Variants in CSMD2 observed in about 807,000 individuals in gnomAD.
The protein encoded by CSMD2 is CUB and sushi domain-containing protein 2.
CSMD2 carries 130 observed loss-of-function variants against 398.5 expected under a neutral mutation model. The ratio of observed to expected loss-of-function variants is 0.33; its 90% CI spans 0.28 to 0.38. The LOEUF (loss-of-function observed/expected upper bound fraction) is 0.38. Among genes scored for constraint, CSMD2 ranks in the 10% least tolerant of loss-of-function variants. The pLI is 1.00. For missense variants in CSMD2, 3,829 were observed against 4,764.9 expected (o/e 0.80, Z 5.78); for synonymous variants, 1,828 against 1,908.5 (o/e 0.96, Z 1.10).
In CSMD2 at chr1:33,624,416, G is replaced by A. The variant is rs921875233; in HGVS notation, c.5625+103C>T. 1.5e-5 allele frequency: 22 copies of A among 1,454,256 alleles called. No individual in the cohort carries two copies. The highest frequency in any genetic ancestry group is 2.1e-5 in the Non-Finnish European group (22 of 1,065,638). 90.1% of individuals were successfully genotyped at this position (1,454,256 alleles called of 1,614,324 possible). On this transcript the variant is annotated intron_variant, in intron 35 of 70. Coordinates refer to ENST00000373381, the MANE Select transcript of CSMD2 (RefSeq NM_001281956.2). The surrounding 1 kb of genome is among the most constrained non-coding windows in gnomAD (Gnocchi z 4.7). ...GATATGTCTCTTCCTGGCTCACCCT[G>A]ACTCAGGCCTTGGCACCAGCCAGCA...
intron 4 of CSMD2, among the ~76,000 whole-genome samples, chr1:33,928,359 CTTAG>C (rs1644198405): frequency 6.6e-6 from 1 of 152,190 alleles, no homozygotes; most frequent in Non-Finnish European, 1.5e-5. Flanking sequence ...GGACCTGGTA[CTTAG>C]TTAGGGCTCA....
At chr1:33,708,440 T>C (rs1459220960) in intron 22 of CSMD2, among the ~76,000 whole-genome samples, 1 of 152,034 alleles carries the variant, frequency 6.6e-6, no homozygotes, top group African/African-American at 2.4e-5. Flanking sequence ...GGTGGAAACA[T>C]ATTTAAAAAA....
chr1:33,918,733 A>C lies in CSMD2; in HGVS notation c.713-432T>G, dbSNP rs150209591. Among the ~76,000 whole-genome samples, 171 of 152,366 alleles carry C rather than the reference A, an allele frequency of 1.1e-3. 1 individual carries two copies. The highest frequency in any genetic ancestry group is 0.01 in the Middle Eastern group (3 of 294). The stretch of plus-strand genomic sequence containing the variant: ...CACTGAGCCAAAAAGATTTGGAGAC[A>C]GGGGAGTGCATTGGAAAGGAAATGG... On this transcript the variant is annotated intron_variant, in intron 4 of 70. Coordinates refer to ENST00000373381, the MANE Select transcript of CSMD2 (RefSeq NM_001281956.2).
In CSMD2 at chr1:33,929,326, C is replaced by T. The variant is rs554638883; in HGVS notation, c.712+6434G>A. 2.6e-5 allele frequency among the ~76,000 whole-genome samples: 4 copies of T among 152,012 alleles called. No homozygotes were observed. In the South Asian group the frequency reaches 8.3e-4, roughly 32 times the overall value. ...TGATCTTCTTATTGTGGCTCTTGCTCAGCTAGTATCCAGAGTGATCTTTTA... is the reference window on the plus strand; with the variant it reads ...TGATCTTCTTATTGTGGCTCTTGCTTAGCTAGTATCCAGAGTGATCTTTTA... On this transcript the variant is annotated intron_variant, in intron 4 of 70. Coordinates refer to ENST00000373381, the MANE Select transcript of CSMD2 (RefSeq NM_001281956.2).
At chr1:34,093,818 A>G (rs1251039538) in intron 1 of CSMD2, among the ~76,000 whole-genome samples, 1 of 152,178 alleles carries the variant, frequency 6.6e-6, no homozygotes, top group Admixed American at 6.5e-5. Flanking sequence ...AATGGAACCA[A>G]GTTGGAAAAC....
At chr1:34,161,291 T>C (rs534651823) in intron 1 of CSMD2, among the ~76,000 whole-genome samples, 112 of 152,344 alleles carry the variant, frequency 7.4e-4, no homozygotes, top group Non-Finnish European at 1.3e-3. Flanking sequence ...AGAATTCCCA[T>C]GGACCAGGAA....
chr1:34,159,475 T>C (rs1021587319), intron 1 of CSMD2, among the ~76,000 whole-genome samples: 1 of 152,178 alleles, frequency 6.6e-6, no homozygotes, highest in African/African-American at 2.4e-5. Context: ...GAAGGCAGCC[T>C]GGGCAGACGC....
intron 4 of CSMD2, among the ~76,000 whole-genome samples, chr1:33,919,840 CATTT>C (rs1643880150): frequency 6.6e-6 from 1 of 152,186 alleles, no homozygotes; most frequent in South Asian, 2.1e-4. Flanking sequence ...TTCATTCATT[CATTT>C]AACAAATGCT....
chr1:33,655,293 C>T (rs1382142424), intron 27 of CSMD2, among the ~76,000 whole-genome samples: 1 of 152,182 alleles, frequency 6.6e-6, no homozygotes, highest in Non-Finnish European at 1.5e-5. Context: ...AGCTGTCCAC[C>T]CCTCTGAGCC....
intron 5 of CSMD2, among the ~76,000 whole-genome samples, chr1:33,853,639 A>C (rs928713588): frequency 1.5e-5 from 2 of 132,564 alleles, no homozygotes; most frequent in Admixed American, 1.6e-4. Context: ...AGAAGTGCAC[A>C]GGCATTGAGG....
intron 24 of CSMD2, among the ~76,000 whole-genome samples, chr1:33,697,067 T>G (rs1422305272): frequency 6.6e-6 from 1 of 152,172 alleles, no homozygotes; most frequent in Non-Finnish European, 1.5e-5. Context: ...AAGTCTAAGT[T>G]TAAATGCTCT....
chr1:33,573,051 G>A (rs956196550), intron 49 of CSMD2, among the ~76,000 whole-genome samples: 30 of 152,222 alleles, frequency 2.0e-4, no homozygotes, highest in Non-Finnish European at 4.0e-4. Context: ...CACTGAGGGG[G>A]GATCTCTCTT....
intron 2 of CSMD2, among the ~76,000 whole-genome samples, chr1:34,083,907 T>C (rs76690299): frequency 0.018 from 2,756 of 152,116 alleles, 46 homozygotes; most frequent in East Asian, 0.052. Flanking sequence ...TAGTAAAGCA[T>C]GTAGAACAAT....
In CSMD2 at chr1:33,519,507, A is replaced by AGGCC. The variant is rs764136636; in HGVS notation, c.*7_*10dup. 949 of 1,610,388 alleles carry AGGCC rather than the reference A, an allele frequency of 5.9e-4. 1 individual carries two copies. Among genetic ancestry groups the AGGCC allele is most frequent in the Non-Finnish European group, 7.7e-4 (911 of 1,178,866 alleles). On this transcript the variant is annotated 3_prime_UTR_variant, in exon 70 of 71. Transcript: ENST00000373381. The surrounding 1 kb of genome is among the most constrained non-coding windows in gnomAD (Gnocchi z 5.6). ...GCTCTCGGTGGCGGTGGTGGCGGCCAGGCCGGGTGGCTATACTGCTGTGCA... is the reference window on the plus strand; with the variant it reads ...GCTCTCGGTGGCGGTGGTGGCGGCCAGGCCGGCCGGGTGGCTATACTGCTGTGCA...
chr1:33,898,335 C>T (rs919212843), intron 5 of CSMD2, among the ~76,000 whole-genome samples: 1 of 152,168 alleles, frequency 6.6e-6, no homozygotes, highest in African/African-American at 2.4e-5. Flanking sequence ...GAAGACATAG[C>T]TGACAATGAA....
At chr1:33,770,808 C>T (rs926171908) in intron 13 of CSMD2, among the ~76,000 whole-genome samples, 1 of 152,228 alleles carries the variant, frequency 6.6e-6, no homozygotes, top group Admixed American at 6.5e-5. Context: ...CTTTCCTTCT[C>T]AGCTGTTTGC....
intron 13 of CSMD2, 55 bp downstream of exon 13, chr1:33,772,514 C>A: frequency 6.5e-7 from 1 of 1,534,488 alleles, no homozygotes; most frequent in Non-Finnish European, 8.9e-7. Context: ...AGCTAGGAAA[C>A]GGGCCCCTGC....
chr1:33,601,019 A>G lies in CSMD2; in HGVS notation c.6711-9T>C, dbSNP rs1267234261. ...TTTGCTGTGGCCCATCCCTGTACAC[A>G]GGAAACAAGGTCCTGGCATGTCACT... On this transcript the variant is annotated splice_polypyrimidine_tract_variant and intron_variant, in intron 43 of 70. Transcript: ENST00000373381. 6.2e-7 allele frequency: 1 copy of G among 1,614,110 alleles called. No individual in the cohort carries two copies.
intron 21 of CSMD2, among the ~76,000 whole-genome samples, chr1:33,710,316 A>G (rs1262496371): frequency 6.6e-6 from 1 of 152,102 alleles, no homozygotes; most frequent in East Asian, 1.9e-4. Flanking sequence ...CTAAACTGTC[A>G]GTAACTTGAG....
Sources: allele counts gnomAD v4.1 joint callset (sites outside exome capture counted in the v4.1 genomes callset), GRCh38; gene constraint gnomAD v4.1.1; non-coding constraint Gnocchi (gnomAD v3.1); transcripts MANE v1.5; gene names NCBI Gene and HGNC (gene_info 2026-07-23, HGNC 2026-07-21).